Variants in SUB1 observed in about 807,000 individuals in gnomAD.
SUB1 encodes the protein SUB1 regulator of transcription, also known as activated RNA polymerase II transcriptional coactivator p15.
In SUB1, 1 loss-of-function variant was observed where a neutral mutation model predicts 16.9. That is an observed-to-expected ratio of 0.06 (90% CI 0.02 to 0.28). SUB1 has a LOEUF of 0.28. SUB1 is among the 10% of genes least tolerant of loss of function. The pLI, the probability that SUB1 is intolerant of heterozygous loss-of-function variation, is 1.00. For missense variants in SUB1, 84 were observed against 145.2 expected, an observed-to-expected ratio of 0.58 and a Z score of 2.16; for synonymous variants, 51 against 46.9, an observed-to-expected ratio of 1.09 and a Z score of -0.36.
intron 1 of SUB1, 196 bp downstream of exon 1, chr5:32,585,821 C>G (rs1561030714): frequency 6.6e-6 from 1 of 152,438 alleles, no homozygotes; most frequent in Non-Finnish European, 1.5e-5. Context: ...GCGCTGTGGG[C>G]CCTTCCGCGG....
chr5:32,588,658 A>G (rs1738736436), intron 2 of SUB1, 74 bp downstream of exon 2: 1 of 1,451,378 alleles, frequency 6.9e-7, no homozygotes, highest in Admixed American at 2.0e-5. Flanking sequence ...AAGGATAGTA[A>G]AAGGTGTATT....
intron 4 of SUB1, among the ~76,000 whole-genome samples, chr5:32,599,655 T>G (rs112981053): frequency 9.2e-5 from 14 of 151,942 alleles, no homozygotes; most frequent in African/African-American, 3.4e-4. Context: ...AGTTTTATTC[T>G]GCCTGCCTGT....
intron 2 of SUB1, among the ~76,000 whole-genome samples, chr5:32,589,934 C>T (rs1257545727): frequency 6.6e-6 from 1 of 151,678 alleles, no homozygotes. Flanking sequence ...AAGTTGCAAC[C>T]TTAAAGTATA....
chr5:32,599,365 G>T (rs946100017), intron 4 of SUB1, among the ~76,000 whole-genome samples: 1 of 152,162 alleles, frequency 6.6e-6, no homozygotes, highest in Non-Finnish European at 1.5e-5. Context: ...AGCAGATTAG[G>T]CACTATCTGG....
chr5:32,595,514 G>C (rs1423770310), intron 3 of SUB1: 2 of 152,174 alleles, frequency 1.3e-5, no homozygotes, highest in Non-Finnish European at 2.9e-5. Context: ...TTTTATTGCT[G>C]AGTAGTATTT....
chr5:32,598,883 A>G lies in SUB1; in HGVS notation c.196-78A>G, dbSNP rs1366660604. ...TTAGATGTAGAGTGAGCATGCAGCAAGTTGTGAATATGAATACAATTGAAA... is the reference window on the plus strand; with the variant it reads ...TTAGATGTAGAGTGAGCATGCAGCAGGTTGTGAATATGAATACAATTGAAA... On this transcript the variant is annotated intron_variant, in intron 3 of 4. Coordinates refer to ENST00000265073, the MANE Select transcript of SUB1 (RefSeq NM_006713.4). The G allele has an allele frequency of 2.5e-5, 27 of 1,094,666 alleles. No individual in the cohort carries two copies. The South Asian group carries it at 3.2e-4, about 13-fold the overall frequency. 67.8% of individuals were successfully genotyped at this position (1,094,666 alleles called of 1,614,324 possible).
intron 3 of SUB1, among the ~76,000 whole-genome samples, chr5:32,592,125 A>G (rs184463120): frequency 2.2e-4 from 34 of 152,392 alleles, no homozygotes; most frequent in African/African-American, 8.2e-4. Context: ...GACATTTATT[A>G]AAATAGAACA....
At chr5:32,588,096 AG>A (rs1738720530) in intron 1 of SUB1, among the ~76,000 whole-genome samples, 1 of 118,854 alleles carries the variant, frequency 8.4e-6, no homozygotes, top group Non-Finnish European at 1.5e-5. Flanking sequence ...ATTTTACGTT[AG>A]TTCCAATCTC....
intron 2 of SUB1, 54 bp downstream of exon 2, chr5:32,588,638 TC>T: frequency 6.5e-7 from 1 of 1,534,856 alleles, no homozygotes. Flanking sequence ...ATTGTCCATA[TC>T]CCATTCTGAA....
At chr5:32,588,128 A>G (rs191168923) in intron 1 of SUB1, among the ~76,000 whole-genome samples, 11 of 152,358 alleles carry the variant, frequency 7.2e-5, no homozygotes, top group Non-Finnish European at 1.3e-4. Flanking sequence ...AGTCTAAAGC[A>G]GTAATAGTAG....
At position 32,599,063 on chromosome 5, in the gene SUB1, A is replaced by C; in HGVS notation, c.298A>C (p.Arg100=). 6.2e-7 allele frequency: 1 copy of C among 1,611,252 alleles called. No homozygotes were observed. Among genetic ancestry groups the C allele is most frequent in the Non-Finnish European group, 8.5e-7 (1 of 1,177,708 alleles). Residue 100 remains arginine, a synonymous_variant, in exon 4 of 5, where the codon AGA becomes CGA. Transcript: ENST00000265073. ...TCCTGAAGGTGAAATGAAACCAGGA[A>C]GAAAAGGTGAGGTCTAATTACTTGA... The part of the protein sequence containing the change: ...MDPEGEMKPG[R]KGISLNPEQW...
In SUB1 at chr5:32,594,584, C is replaced by T. The variant is rs757216900; in HGVS notation, c.195+2899C>T. On this transcript the variant is annotated intron_variant, in intron 3 of 4. Transcript: ENST00000265073. ...TTGTGTTTGAAGGAATTATTCATAA[C>T]CTTTATCACAGGGGTCCCTCCTGCA... 1.2e-4 allele frequency: 53 copies of T among 454,542 alleles called. 2 individuals are homozygous for T. The highest frequency in any genetic ancestry group is 8.1e-4 in the South Asian group (52 of 64,410). The allele number at this position is 454,542 out of a possible 1,614,324, so 28.2% of individuals were successfully genotyped here.
chr5:32,599,928 G>A (rs1739075196), intron 4 of SUB1, among the ~76,000 whole-genome samples: 1 of 151,972 alleles, frequency 6.6e-6, no homozygotes. Flanking sequence ...ATGCTAGAAC[G>A]TTAAAGTACA....
At chr5:32,586,394 T>C (rs1738669857) in intron 1 of SUB1, 1 of 152,284 alleles carries the variant, frequency 6.6e-6, no homozygotes, top group Non-Finnish European at 1.5e-5. Flanking sequence ...TCGTTTCTCT[T>C]TTTAAAGTTG....
At chr5:32,594,778 T>C (rs1284058898) in intron 3 of SUB1, 3 of 198,548 alleles carry the variant, frequency 1.5e-5, no homozygotes, top group African/African-American at 7.0e-5. Context: ...TGCCTGATGG[T>C]GGGATAATTT....
intron 3 of SUB1, among the ~76,000 whole-genome samples, chr5:32,593,447 C>A (rs977155545): frequency 6.6e-6 from 1 of 151,928 alleles, no homozygotes; most frequent in East Asian, 1.9e-4. Flanking sequence ...CTTATTTTTG[C>A]CTTGTTATAC....
intron 4 of SUB1, among the ~76,000 whole-genome samples, chr5:32,600,801 A>ACTCT (rs1236976927): frequency 3.3e-5 from 5 of 151,994 alleles, no homozygotes; most frequent in African/African-American, 1.2e-4. Flanking sequence ...ATGGGGTTTC[A>ACTCT]CCATGTTGGG....
intron 4 of SUB1, among the ~76,000 whole-genome samples, chr5:32,600,660 G>GTGC (rs1739093014): frequency 6.6e-6 from 1 of 151,068 alleles, no homozygotes; most frequent in Non-Finnish European, 1.5e-5. Context: ...CTGGAGTGCA[G>GTGC]TGGCATGATC....
In SUB1 at chr5:32,602,137, A is replaced by G; in HGVS notation, c.*1053A>G. 1 of 438,916 alleles carries G rather than the reference A, an allele frequency of 2.3e-6. No individual in the cohort carries two copies. Among genetic ancestry groups the G allele is most frequent in the Admixed American group, 2.6e-5 (1 of 38,504 alleles). 27.2% of individuals were successfully genotyped at this position (438,916 alleles called of 1,614,324 possible). On this transcript the variant is annotated 3_prime_UTR_variant, in exon 5 of 5. Coordinates refer to ENST00000265073, the MANE Select transcript of SUB1 (RefSeq NM_006713.4). ...ACAGACCAATGGCATTCTAGACTTGATGATACTAAGTTTTAGCAGACACTA... is the reference window on the plus strand; with the variant it reads ...ACAGACCAATGGCATTCTAGACTTGGTGATACTAAGTTTTAGCAGACACTA...
Sources: allele counts gnomAD v4.1 joint callset (sites outside exome capture counted in the v4.1 genomes callset), GRCh38; gene constraint gnomAD v4.1.1; transcripts MANE v1.5; gene names NCBI Gene and HGNC (gene_info 2026-07-23, HGNC 2026-07-21).